CDKAL1: variants seen among roughly 807,000 people sequenced by gnomAD.
CDKAL1 encodes the protein threonylcarbamoyladenosine tRNA methylthiotransferase.
A neutral mutation model predicts 68.2 loss-of-function variants in CDKAL1; 32 were observed. That is an observed-to-expected ratio of 0.47 (90% CI 0.35 to 0.63). CDKAL1 has a LOEUF of 0.63. Ranked by LOEUF, CDKAL1 falls within the 30% of genes least tolerant of loss-of-function variation. CDKAL1 has a pLI of 0.00. For synonymous variants in CDKAL1, 234 were observed against 244.3 expected (o/e 0.96, Z 0.39); for missense variants, 606 against 696.7 (o/e 0.87, Z 1.47).
At chr6:21,220,002 A>C (rs1779477800) in intron 15 of CDKAL1, among the ~76,000 whole-genome samples, 1 of 152,180 alleles carries the variant, frequency 6.6e-6, no homozygotes, top group Non-Finnish European at 1.5e-5. Context: ...AAGCATCTTG[A>C]CCCAATTCAC....
chr6:20,756,852 TC>T (rs1561749971), intron 6 of CDKAL1: 20 of 57,588 alleles, frequency 3.5e-4, no homozygotes, highest in Non-Finnish European at 5.9e-4. Flanking sequence ...TCCTTCCTTC[TC>T]CCCTTCCTTC....
chr6:21,175,184 A>G (rs1393295853), intron 13 of CDKAL1, among the ~76,000 whole-genome samples: 2 of 152,324 alleles, frequency 1.3e-5, no homozygotes, highest in East Asian at 3.9e-4. Context: ...ACTCCAAGAT[A>G]TGGCAGAGCT....
chr6:21,105,201 C>T (rs1182717857), intron 12 of CDKAL1, among the ~76,000 whole-genome samples: 1 of 152,162 alleles, frequency 6.6e-6, no homozygotes, highest in African/African-American at 2.4e-5. Flanking sequence ...GGCAAATGAC[C>T]TGTTCAAAGC....
At chr6:20,637,521 C>T (rs899548138) in intron 4 of CDKAL1, among the ~76,000 whole-genome samples, 8 of 152,124 alleles carry the variant, frequency 5.3e-5, no homozygotes, top group Non-Finnish European at 1.0e-4. Flanking sequence ...CAAGACTGTG[C>T]CACTGCACTC....
At chr6:21,212,491 G>A (rs1392733521) in intron 15 of CDKAL1, among the ~76,000 whole-genome samples, 2 of 152,114 alleles carry the variant, frequency 1.3e-5, no homozygotes, top group Admixed American at 1.3e-4. Flanking sequence ...AGAGCGAGTT[G>A]CTTCTAACCA....
intron 8 of CDKAL1, among the ~76,000 whole-genome samples, chr6:20,785,109 C>T (rs1263468186): frequency 2.6e-5 from 4 of 151,282 alleles, no homozygotes; most frequent in African/African-American, 4.9e-5. Flanking sequence ...TGTTGATCCT[C>T]GGTACATTAG....
intron 9 of CDKAL1, among the ~76,000 whole-genome samples, chr6:20,937,671 C>T (rs1318735852): frequency 6.6e-6 from 1 of 152,194 alleles, no homozygotes; most frequent in Non-Finnish European, 1.5e-5. Flanking sequence ...GCACCTCTCT[C>T]ACTTTAAGTT....
intron 8 of CDKAL1, among the ~76,000 whole-genome samples, chr6:20,808,419 T>C (rs1398460839): frequency 6.6e-6 from 1 of 152,182 alleles, no homozygotes; most frequent in Non-Finnish European, 1.5e-5. Context: ...ATTTACTATC[T>C]GTTTCTTTAA....
intron 10 of CDKAL1, among the ~76,000 whole-genome samples, chr6:20,994,245 A>G (rs1766987783): frequency 6.6e-6 from 1 of 152,200 alleles, no homozygotes; most frequent in South Asian, 2.1e-4. Flanking sequence ...TTGGGAGTCC[A>G]AGGCAGGGGG....
At chr6:21,224,032 C>A (rs892301481) in intron 15 of CDKAL1, among the ~76,000 whole-genome samples, 1 of 152,182 alleles carries the variant, frequency 6.6e-6, no homozygotes, top group African/African-American at 2.4e-5. Context: ...TTCTCTTGGG[C>A]AGCTAGTTTA....
chr6:21,220,021 T>G (rs995716800), intron 15 of CDKAL1, among the ~76,000 whole-genome samples: 6 of 152,342 alleles, frequency 3.9e-5, no homozygotes, highest in South Asian at 2.1e-4. Flanking sequence ...ACCTTTTATT[T>G]CTTCAACTTT....
intron 10 of CDKAL1, among the ~76,000 whole-genome samples, chr6:20,973,289 A>T (rs1230517267): frequency 6.6e-6 from 1 of 152,190 alleles, no homozygotes; most frequent in East Asian, 1.9e-4. Context: ...TCACATATGT[A>T]AATATAAAGG....
chr6:20,946,731 G>A (rs1191472738), intron 9 of CDKAL1, among the ~76,000 whole-genome samples: 1 of 151,824 alleles, frequency 6.6e-6, no homozygotes, highest in Non-Finnish European at 1.5e-5. Flanking sequence ...CGAGTAGCTG[G>A]GATTACAGGC....
intron 5 of CDKAL1, among the ~76,000 whole-genome samples, chr6:20,729,282 A>T (rs1561723191): frequency 6.6e-6 from 1 of 152,214 alleles, no homozygotes; most frequent in Non-Finnish European, 1.5e-5. Context: ...GGAGCTTGTC[A>T]GGATGCAGCC....
At chr6:20,754,860 A>G (rs1774099872) in intron 6 of CDKAL1, among the ~76,000 whole-genome samples, 1 of 152,164 alleles carries the variant, frequency 6.6e-6, no homozygotes, top group Non-Finnish European at 1.5e-5. Context: ...CATTACATCT[A>G]AGAAATCAGT....
intron 12 of CDKAL1, among the ~76,000 whole-genome samples, chr6:21,078,502 T>C (rs1772200715): frequency 1.3e-5 from 2 of 152,196 alleles, no homozygotes; most frequent in Non-Finnish European, 1.5e-5. Context: ...ACTGTTATTA[T>C]TGTCATTCTG....
chr6:21,043,394 A>T (rs188001306), intron 11 of CDKAL1, among the ~76,000 whole-genome samples: 8 of 152,072 alleles, frequency 5.3e-5, no homozygotes, highest in African/African-American at 1.9e-4. Flanking sequence ...AGGGGGATCT[A>T]CATGAACATT....
chr6:20,988,182 A>ATGTGTGTG (rs58720900), intron 10 of CDKAL1, among the ~76,000 whole-genome samples: 43,976 of 137,212 alleles, frequency 0.32, 8,160 homozygotes, highest in Admixed American at 0.42. Flanking sequence ...GAAACATAAT[A>ATGTGTGTG]TGTGTGTGTG....
intron 12 of CDKAL1, among the ~76,000 whole-genome samples, chr6:21,077,481 G>GA (rs766843524): frequency 8.5e-5 from 13 of 152,116 alleles, no homozygotes; most frequent in Non-Finnish European, 1.5e-4. Flanking sequence ...AGTTTATAAA[G>GA]AAAAAAAGCT....
Sources: gnomAD v4.1 joint callset for allele counts (sites outside exome capture counted in the v4.1 genomes callset) on GRCh38, gnomAD v4.1.1 for gene constraint, MANE v1.5 for transcripts, NCBI Gene and HGNC (gene_info 2026-07-23, HGNC 2026-07-21) for gene names.